The following PLPPR3 variants were observed in gnomAD, a reference collection of about 807,000 sequenced individuals.
The protein encoded by PLPPR3 is phospholipid phosphatase-related protein type 3.
In PLPPR3, 14 loss-of-function variants were observed where a neutral mutation model predicts 27.3. The observed-to-expected ratio is 0.51, with a 90% CI of 0.34 to 0.80. The LOEUF (loss-of-function observed/expected upper bound fraction) is 0.80. Ranked by LOEUF, PLPPR3 falls within the 30% of genes least tolerant of loss-of-function variation. PLPPR3 has a pLI of 0.01. For synonymous variants in PLPPR3, 671 were observed against 508.0 expected (o/e 1.32, Z -4.32); for missense variants, 1,287 against 1,056.9 (o/e 1.22, Z -3.02).
chr19:812,639 C>G lies in PLPPR3; in HGVS notation c.2088G>C (p.Ala696=). 9.1e-7 allele frequency: 1 copy of G among 1,098,770 alleles called. No individual in the cohort carries two copies. The highest frequency in any genetic ancestry group is 2.3e-5 in the South Asian group (1 of 43,092). 68.1% of individuals were successfully genotyped at this position (1,098,770 alleles called of 1,614,324 possible). Residue 696 remains alanine, a synonymous_variant, in exon 8 of 8, where the codon GCG becomes GCC. Transcript: ENST00000520876. ...CGGCCTCCGCCTCCGCCTCGCGCTC[C>G]GCCAGCCCCAGGCCGCCCGCGTGGC... ...LRRHAGGLGL[A]EREAEAEAEG...
In PLPPR3 at chr19:813,986, G is replaced by A. The variant is rs1032327227; in HGVS notation, c.832-91C>T. 1.3e-5 allele frequency: 16 copies of A among 1,279,282 alleles called. No homozygotes were observed. In the African/African-American group the frequency reaches 1.4e-4, roughly 11 times the overall value. The allele number at this position is 1,279,282 out of a possible 1,614,324, so 79.2% of individuals were successfully genotyped here. On this transcript the variant is annotated intron_variant, in intron 7 of 7. Coordinates refer to ENST00000520876, the MANE Select transcript of PLPPR3 (RefSeq NM_001270366.2). This position sits in a 1 kb window ranked among gnomAD's most constrained non-coding sequence, Gnocchi z 4.1. ...GACTTGCCGCGGGGGGCTCTGGACC[G>A]GGGGTGGGGGCTGGCAAGCTCTTGT...
chr19:818,614 A>G (rs1356577850), intron 2 of PLPPR3, among the ~76,000 whole-genome samples: 2 of 151,604 alleles, frequency 1.3e-5, no homozygotes, highest in African/African-American at 2.4e-5. Flanking sequence ...GCTCACTGCA[A>G]GCTCCACATC....
chr19:822,501 C>G (rs2035163786), upstream of PLPPR3, among the ~76,000 whole-genome samples: 1 of 152,122 alleles, frequency 6.6e-6, no homozygotes, highest in South Asian at 2.1e-4. Context: ...TGGGGGGTCT[C>G]CCGGTGCCTC....
upstream of PLPPR3, among the ~76,000 whole-genome samples, chr19:822,708 T>C (rs1375018377): frequency 2.0e-5 from 3 of 152,148 alleles, no homozygotes; most frequent in East Asian, 5.8e-4. Context: ...CTCCTCCATA[T>C]GCGCAGCCCT....
chr19:817,610 C>T (rs1599261660), intron 2 of PLPPR3, among the ~76,000 whole-genome samples: 1 of 152,138 alleles, frequency 6.6e-6, no homozygotes, highest in East Asian at 1.9e-4. Context: ...GTTATGGCAT[C>T]TTAGCAGGGG....
At chr19:814,361 T>A in intron 7 of PLPPR3, 73 bp downstream of exon 7, 4 of 1,412,624 alleles carry the variant, frequency 2.8e-6, no homozygotes, top group Non-Finnish European at 2.8e-6. Context: ...ACTCAGGCCC[T>A]GTGGGCACTC....
At chr19:822,624 GC>G (rs1359041477), upstream of PLPPR3, among the ~76,000 whole-genome samples, 1 of 152,204 alleles carries the variant, frequency 6.6e-6, no homozygotes, top group Non-Finnish European at 1.5e-5. Context: ...GGGGCTGGGG[GC>G]TGGGGGCTGC....
Position 813,246 on chromosome 19 carries a change from A to C in PLPPR3, c.1481T>G (p.Val494Gly). The part of the protein sequence containing the change: ...LPPRAGPPPL[V>G]HIPEEGAQTG... ...CTGCGCGCCCTCCTCCGGGATGTGCACCAGCGGCGGCGGCCCCGCGCGCGG... is the reference window on the plus strand; with the variant it reads ...CTGCGCGCCCTCCTCCGGGATGTGCCCCAGCGGCGGCGGCCCCGCGCGCGG... The change falls in exon 8 of 8, where the codon GTG (valine) becomes GGG (glycine). Residue 494 changes from valine to glycine, a missense_variant. Transcript: ENST00000520876. The surrounding 1 kb of genome is among the most constrained non-coding windows in gnomAD (Gnocchi z 4.1). The C allele has an allele frequency of 6.8e-7, 1 of 1,480,822 alleles. No homozygotes were observed. The highest frequency in any genetic ancestry group is 8.9e-7 in the Non-Finnish European group (1 of 1,125,702). 91.7% of individuals were successfully genotyped at this position (1,480,822 alleles called of 1,614,324 possible). A position where few individuals can be genotyped will look rare whatever the true frequency, so the allele number is the denominator to read the frequency against.
intron 7 of PLPPR3, 24 bp downstream of exon 7, chr19:814,410 C>T (rs1404551839): frequency 1.3e-6 from 2 of 1,578,286 alleles, no homozygotes; most frequent in South Asian, 1.1e-5. Flanking sequence ...CCCATGCCGA[C>T]CCCCATCAGA....
chr19:813,139 CT>C lies in PLPPR3; in HGVS notation c.1587del (p.Val530TrpfsTer52). 1 of 1,517,628 alleles carries C rather than the reference CT, an allele frequency of 6.6e-7. No homozygotes were observed. The allele number at this position is 1,517,628 out of a possible 1,614,324, so 94.0% of individuals were successfully genotyped here. The part of the protein sequence containing the change: ...WLMMAEKSGA[A>X]VANPPRLLQV... ...TGCAGCAGCCGCGGAGGGTTGGCCA[CT>C]GCCGCCCCGCTCTTCTCGGCCATCA... On this transcript the variant is annotated frameshift_variant, in exon 8 of 8. Coordinates refer to ENST00000520876, the MANE Select transcript of PLPPR3 (RefSeq NM_001270366.2). LOFTEE classifies it low-confidence loss of function (END_TRUNC). The surrounding 1 kb of genome is among the most constrained non-coding windows in gnomAD (Gnocchi z 4.1).
intron 2 of PLPPR3, among the ~76,000 whole-genome samples, chr19:817,305 A>C (rs1271059552): frequency 3.4e-5 from 5 of 147,876 alleles, no homozygotes; most frequent in Non-Finnish European, 4.5e-5. Flanking sequence ...TTTTTCCCCC[A>C]CTCTGTCACG....
At chr19:820,877 T>C (rs1490663480) in intron 2 of PLPPR3, among the ~76,000 whole-genome samples, 2 of 151,356 alleles carry the variant, frequency 1.3e-5, no homozygotes, top group African/African-American at 2.4e-5. Context: ...AGGCTGGTCT[T>C]GAACTCCTGA....
At chr19:816,345 CCATCCGTCCATTCAT>C (rs1479136489) in intron 2 of PLPPR3, among the ~76,000 whole-genome samples, 61 of 55,436 alleles carry the variant, frequency 1.1e-3, no homozygotes, top group Middle Eastern at 7.6e-3. Flanking sequence ...ACCCACCCAT[CCATCCGTCCATTCAT>C]TACCCAGCCA....
chr19:823,755 G>T (rs1247335725), upstream of PLPPR3, among the ~76,000 whole-genome samples: 1 of 152,030 alleles, frequency 6.6e-6, no homozygotes, highest in South Asian at 2.1e-4. Context: ...GGTCCCATTC[G>T]ATGCGATCCT....
At chr19:821,646 T>A in intron 1 of PLPPR3, 61 bp from the exon 2 acceptor site, 1 of 816,618 alleles carries the variant, frequency 1.2e-6, no homozygotes, top group Non-Finnish European at 1.7e-6. Context: ...GGAGACACGG[T>A]GGCCGGCGCC....
In PLPPR3 at chr19:813,196, T is replaced by A. The variant is rs776664669; in HGVS notation, c.1531A>T (p.Ser511Cys). The A allele has an allele frequency of 1.9e-5, 29 of 1,507,510 alleles. No homozygotes were observed. The East Asian group carries it at 6.5e-4, about 34-fold the overall frequency. 93.4% of individuals were successfully genotyped at this position (1,507,510 alleles called of 1,614,324 possible). The change falls in exon 8 of 8, where the codon AGC becomes TGC. Residue 511 changes from serine to cysteine, a missense_variant. Coordinates refer to ENST00000520876, the MANE Select transcript of PLPPR3 (RefSeq NM_001270366.2). The surrounding 1 kb of genome is among the most constrained non-coding windows in gnomAD (Gnocchi z 4.1). Reference protein sequence around the residue: ...AQTGAGLSPKSGAGVRAKWLM... With the variant: ...AQTGAGLSPKCGAGVRAKWLM... ...CACTTGGCGCGCACCCCGGCGCCGC[T>A]TTTGGGGGACAGGCCGGCCCCCGTC...
At chr19:821,214 C>G (rs2035139263) in intron 2 of PLPPR3, among the ~76,000 whole-genome samples, 1 of 147,860 alleles carries the variant, frequency 6.8e-6, no homozygotes, top group Non-Finnish European at 1.5e-5. Context: ...CCCAGCCCCT[C>G]TGACCACACC....
At chr19:818,484 T>G (rs925028832) in intron 2 of PLPPR3, among the ~76,000 whole-genome samples, 16 of 152,030 alleles carry the variant, frequency 1.1e-4, no homozygotes, top group Admixed American at 6.6e-5. Flanking sequence ...GAAGATCACT[T>G]GAGGCCTGGA....
At chr19:819,848 A>C (rs1011265796) in intron 2 of PLPPR3, among the ~76,000 whole-genome samples, 3 of 151,860 alleles carry the variant, frequency 2.0e-5, no homozygotes, top group Non-Finnish European at 4.4e-5. Context: ...GATTAAAGTT[A>C]TTTTATTTTT....
Sources: allele counts gnomAD v4.1 joint callset (sites outside exome capture counted in the v4.1 genomes callset), GRCh38; gene constraint gnomAD v4.1.1; non-coding constraint Gnocchi (gnomAD v3.1); transcripts MANE v1.5; gene names NCBI Gene and HGNC (gene_info 2026-07-23, HGNC 2026-07-21).